GABRB1: variants seen among roughly 807,000 people sequenced by gnomAD.
The protein encoded by GABRB1 is gamma-aminobutyric acid receptor subunit beta-1.
GABRB1 carries 17 observed loss-of-function variants against 51.6 expected under a neutral mutation model. The ratio of observed to expected loss-of-function variants is 0.33; its 90% CI spans 0.23 to 0.49. GABRB1 has a LOEUF of 0.49. Ranked by LOEUF, GABRB1 falls within the 20% of genes least tolerant of loss-of-function variation. The pLI is 0.99. For synonymous variants in GABRB1, 247 were observed against 218.9 expected, an observed-to-expected ratio of 1.13 and a Z score of -1.14; for missense variants, 410 against 600.6, an observed-to-expected ratio of 0.68 and a Z score of 3.32.
chr4:47,234,596 T>G (rs2109839828), intron 4 of GABRB1, among the ~76,000 whole-genome samples: 1 of 152,288 alleles, frequency 6.6e-6, no homozygotes, highest in Middle Eastern at 3.4e-3. Flanking sequence ...TCTACTTCGT[T>G]TAGAAAATTT....
At chr4:47,145,721 C>T (rs770757556) in intron 3 of GABRB1, among the ~76,000 whole-genome samples, 3 of 152,034 alleles carry the variant, frequency 2.0e-5, no homozygotes, top group African/African-American at 4.8e-5. Context: ...GGGAACTTCA[C>T]ATACTTCTGA....
At chr4:47,280,944 T>G (rs1348942807) in intron 4 of GABRB1, among the ~76,000 whole-genome samples, 1 of 151,976 alleles carries the variant, frequency 6.6e-6, no homozygotes, top group East Asian at 1.9e-4. Flanking sequence ...TGAGCCACTG[T>G]GCCCAGCCTT....
intron 4 of GABRB1, among the ~76,000 whole-genome samples, chr4:47,201,981 C>A (rs1240980669): frequency 6.6e-6 from 1 of 152,116 alleles, no homozygotes; most frequent in Non-Finnish European, 1.5e-5. Flanking sequence ...AACTGTCCTC[C>A]TTCCACACGA....
chr4:47,211,641 C>T (rs1032422984), intron 4 of GABRB1, among the ~76,000 whole-genome samples: 2 of 152,152 alleles, frequency 1.3e-5, no homozygotes, highest in Non-Finnish European at 2.9e-5. Flanking sequence ...TTACCCCAAA[C>T]TTTGTGGCTT....
At chr4:47,141,083 GTT>G (rs200370058) in intron 3 of GABRB1, among the ~76,000 whole-genome samples, 1 of 151,556 alleles carries the variant, frequency 6.6e-6, no homozygotes, top group South Asian at 2.1e-4. Flanking sequence ...GTGTACAACA[GTT>G]TTTTTTAAAA....
At chr4:47,413,732 C>T (rs889685189) in intron 8 of GABRB1, among the ~76,000 whole-genome samples, 1 of 152,108 alleles carries the variant, frequency 6.6e-6, no homozygotes, top group Admixed American at 6.6e-5. Flanking sequence ...TCTGGCTGGG[C>T]AGTCAGGTCA....
intron 4 of GABRB1, among the ~76,000 whole-genome samples, chr4:47,183,468 T>C (rs1054814797): frequency 1.3e-5 from 2 of 150,774 alleles, no homozygotes; most frequent in Non-Finnish European, 3.0e-5. Context: ...ATTTGGTACT[T>C]CCACACTTAA....
At chr4:47,058,309 GA>G (rs1182002886) in intron 3 of GABRB1, among the ~76,000 whole-genome samples, 3 of 152,132 alleles carry the variant, frequency 2.0e-5, no homozygotes, top group South Asian at 4.1e-4. Context: ...AATAGATTGG[GA>G]AAAAGTCTAT....
intron 4 of GABRB1, among the ~76,000 whole-genome samples, chr4:47,181,711 A>G (rs149650960): frequency 1.0e-3 from 156 of 152,168 alleles, no homozygotes; most frequent in African/African-American, 3.7e-3. Context: ...AATAGCTGCT[A>G]TTGTTGTAAT....
intron 5 of GABRB1, among the ~76,000 whole-genome samples, chr4:47,391,095 G>A (rs1416411878): frequency 6.6e-6 from 1 of 152,132 alleles, no homozygotes; most frequent in Non-Finnish European, 1.5e-5. Flanking sequence ...AGAATTGCTT[G>A]AACATGGGAG....
chr4:47,300,509 T>C (rs2109937283), intron 4 of GABRB1, among the ~76,000 whole-genome samples: 1 of 152,280 alleles, frequency 6.6e-6, no homozygotes, highest in South Asian at 2.1e-4. Flanking sequence ...GTTAGCATAT[T>C]TTATTTATAT....
chr4:47,188,607 A>T (rs1239914748), intron 4 of GABRB1, among the ~76,000 whole-genome samples: 1 of 151,906 alleles, frequency 6.6e-6, no homozygotes, highest in African/African-American at 2.4e-5. Flanking sequence ...TAAAAATTTA[A>T]AAAAAAACAT....
At position 47,005,701 on chromosome 4, in the gene GABRB1, T is replaced by C. The variant is rs1577817227; in HGVS notation, c.-20+11775T>C. Among the ~76,000 whole-genome samples, 3 of 132,554 alleles carry C rather than the reference T, an allele frequency of 2.3e-5. No individual in the cohort carries two copies. In the South Asian group the frequency reaches 8.0e-4, roughly 35 times the overall value. The allele number at this position is 132,554 out of a possible 152,430, so 87.0% of individuals were successfully genotyped here. On this transcript the variant is annotated intron_variant, in intron 1 of 3. Coordinates refer to the GABRB1 transcript ENST00000513567. ...TCCTTTTGTCAATCACAGAGAACTT[T>C]ACGTCTCCCTCTGCAACTTCTCTAA...
At chr4:47,366,234 G>A (rs554436397) in intron 5 of GABRB1, among the ~76,000 whole-genome samples, 1 of 152,218 alleles carries the variant, frequency 6.6e-6, no homozygotes, top group Admixed American at 6.5e-5. Flanking sequence ...ATTTTCCCAA[G>A]ACACAGATCT....
At chr4:47,289,819 C>G (rs1723655869) in intron 4 of GABRB1, among the ~76,000 whole-genome samples, 1 of 152,120 alleles carries the variant, frequency 6.6e-6, no homozygotes, top group Admixed American at 6.5e-5. Context: ...TAGCCTTGGA[C>G]TTTTATAACC....
chr4:47,078,744 A>T (rs1173134766), intron 3 of GABRB1, among the ~76,000 whole-genome samples: 1 of 152,172 alleles, frequency 6.6e-6, no homozygotes, highest in African/African-American at 2.4e-5. Context: ...TTGCCATTTA[A>T]TTCCAACTTT....
intron 3 of GABRB1, among the ~76,000 whole-genome samples, chr4:47,042,009 C>T (rs1725866593): frequency 1.3e-5 from 2 of 151,798 alleles, no homozygotes; most frequent in Non-Finnish European, 2.9e-5. Flanking sequence ...GACAAAAGAC[C>T]CAATATAATT....
At chr4:47,125,970 G>A (rs1165588803) in intron 3 of GABRB1, among the ~76,000 whole-genome samples, 2 of 150,178 alleles carry the variant, frequency 1.3e-5, no homozygotes, top group Non-Finnish European at 3.0e-5. Flanking sequence ...ATTAAGGCTG[G>A]ATTGTGCATA....
chr4:47,145,391 G>T (rs1281874802), intron 3 of GABRB1, among the ~76,000 whole-genome samples: 1 of 151,970 alleles, frequency 6.6e-6, no homozygotes, highest in Non-Finnish European at 1.5e-5. Flanking sequence ...ATGTGCACTT[G>T]CAGTGTGGCA....
Sources: allele counts gnomAD v4.1 joint callset (sites outside exome capture counted in the v4.1 genomes callset), GRCh38; gene constraint gnomAD v4.1.1; transcripts MANE v1.5; gene names NCBI Gene and HGNC (gene_info 2026-07-23, HGNC 2026-07-21).